Variants in CNTN1 observed in about 807,000 individuals in gnomAD.
CNTN1 encodes the protein contactin 1, also known as contactin-1.
CNTN1 carries 38 observed loss-of-function variants against 126.4 expected under a neutral mutation model. The observed-to-expected ratio is 0.30, with a 90% CI of 0.23 to 0.39. CNTN1 has a LOEUF of 0.39. Ranked by LOEUF, CNTN1 falls within the 10% of genes least tolerant of loss-of-function variation. The pLI, the probability that CNTN1 is intolerant of heterozygous loss-of-function variation, is 1.00. For synonymous variants in CNTN1, 413 were observed against 422.6 expected (o/e 0.98, Z 0.28); for missense variants, 1,009 against 1,248.4 (o/e 0.81, Z 2.89).
chr12:40,911,103 T>C lies in CNTN1; in HGVS notation c.94+998T>C, dbSNP rs529429139. 3.0e-3 allele frequency among the ~76,000 whole-genome samples: 452 copies of C among 152,248 alleles called. 1 individual carries two copies. The highest frequency in any genetic ancestry group is 5.2e-3 in the African/African-American group (218 of 41,564). ...TTTATTTATTTATTTATTTTTGAGA[T>C]GGAGTCTCGCTCTGTCACCCAGGCT... On this transcript the variant is annotated intron_variant, in intron 3 of 23. Transcript: ENST00000551295.
At chr12:40,744,298 AT>A (rs1938078948) in intron 1 of CNTN1, among the ~76,000 whole-genome samples, 4 of 36,982 alleles carry the variant, frequency 1.1e-4, no homozygotes, top group African/African-American at 1.5e-4. Flanking sequence ...TTTAAATTAA[AT>A]TAAATAAAAA....
intron 15 of CNTN1, chr12:40,978,891 T>C (rs987226699): frequency 6.6e-6 from 1 of 152,188 alleles, no homozygotes; most frequent in Non-Finnish European, 1.5e-5. Context: ...ACTGAATGCA[T>C]GCATTACAGG....
intron 9 of CNTN1, 78 bp from the exon 10 acceptor site, chr12:40,936,703 A>G (rs1421288270): frequency 6.4e-7 from 1 of 1,560,894 alleles, no homozygotes; most frequent in African/African-American, 1.4e-5. Flanking sequence ...GGTTAACTAA[A>G]TGTAATATTT....
chr12:41,024,038 T>TGAAGCTGCCCTGCTTG (rs1329782297), intron 20 of CNTN1, among the ~76,000 whole-genome samples: 1 of 152,160 alleles, frequency 6.6e-6, no homozygotes, highest in Non-Finnish European at 1.5e-5. Context: ...AATGTGCCTC[T>TGAAGCTGCCCTGCTTG]GAAGCTGCCC....
chr12:40,740,428 G>C (rs921343699), intron 1 of CNTN1, among the ~76,000 whole-genome samples: 2 of 151,986 alleles, frequency 1.3e-5, no homozygotes, highest in African/African-American at 4.8e-5. Flanking sequence ...TCTTCTTCAA[G>C]TTTCTCCTAA....
At chr12:40,948,438 A>G (rs967243134) in intron 14 of CNTN1, among the ~76,000 whole-genome samples, 1 of 151,362 alleles carries the variant, frequency 6.6e-6, no homozygotes, top group Non-Finnish European at 1.5e-5. Context: ...CTTACTGTTT[A>G]GACAGAATTG....
chr12:40,726,168 T>C (rs1482312658), intron 1 of CNTN1, among the ~76,000 whole-genome samples: 1 of 152,166 alleles, frequency 6.6e-6, no homozygotes, highest in Non-Finnish European at 1.5e-5. Flanking sequence ...ATAACTATTC[T>C]TTATTATTGC....
At chr12:41,066,158 T>C (rs957602547) in intron 23 of CNTN1, among the ~76,000 whole-genome samples, 5 of 152,234 alleles carry the variant, frequency 3.3e-5, no homozygotes, top group Non-Finnish European at 2.9e-5. Flanking sequence ...ACTCCTGGAC[T>C]GAGTAGTAAA....
At chr12:40,755,214 A>T (rs1423566545) in intron 1 of CNTN1, among the ~76,000 whole-genome samples, 5 of 144,928 alleles carry the variant, frequency 3.4e-5, no homozygotes, top group Non-Finnish European at 7.5e-5. Flanking sequence ...AAAAAAAAAA[A>T]AAAAAAAAAA....
intron 22 of CNTN1, 112 bp downstream of exon 22, chr12:41,028,081 G>A: frequency 1.4e-6 from 1 of 733,776 alleles, no homozygotes; most frequent in Non-Finnish European, 2.4e-6. Flanking sequence ...ACCCAGACCG[G>A]AGTGCAGTGG....
intron 15 of CNTN1, among the ~76,000 whole-genome samples, chr12:40,959,947 C>T (rs13328933): frequency 0.099 from 14,997 of 152,014 alleles, 961 homozygotes; most frequent in African/African-American, 0.18. Context: ...TAACCAACTC[C>T]AACCATCTAA....
intron 1 of CNTN1, among the ~76,000 whole-genome samples, chr12:40,853,601 T>TGATAAACAAGTGATATACAA: frequency 6.6e-6 from 1 of 152,010 alleles, no homozygotes; most frequent in Non-Finnish European, 1.5e-5. Context: ...TAAGACACTG[T>TGATAAACAAGTGATATACAA]GATAAACAAG....
intron 21 of CNTN1, among the ~76,000 whole-genome samples, chr12:41,026,293 A>G (rs775281889): frequency 2.6e-5 from 4 of 152,208 alleles, no homozygotes; most frequent in Non-Finnish European, 4.4e-5. Flanking sequence ...CTATTCTCGC[A>G]TGGTTTACAA....
chr12:41,011,766 T>C (rs1592400451), intron 17 of CNTN1, among the ~76,000 whole-genome samples: 1 of 152,314 alleles, frequency 6.6e-6, no homozygotes, highest in East Asian at 1.9e-4. Flanking sequence ...TGGTTTGAGC[T>C]CTATATCCTG....
intron 17 of CNTN1, among the ~76,000 whole-genome samples, chr12:41,004,450 C>A (rs1261330120): frequency 6.6e-6 from 1 of 152,102 alleles, no homozygotes; most frequent in African/African-American, 2.4e-5. Flanking sequence ...AGGTATCTAT[C>A]AGGTCCATTT....
At chr12:41,041,437 G>A (rs982135060) in intron 23 of CNTN1, among the ~76,000 whole-genome samples, 3 of 152,166 alleles carry the variant, frequency 2.0e-5, no homozygotes, top group Non-Finnish European at 4.4e-5. Flanking sequence ...CATAAAATGA[G>A]TTAGGGAGGA....
chr12:41,008,681 T>A (rs1293159625), intron 17 of CNTN1, among the ~76,000 whole-genome samples: 2 of 152,228 alleles, frequency 1.3e-5, no homozygotes, highest in Non-Finnish European at 2.9e-5. Context: ...GACATGTATT[T>A]ACCATCCTTC....
intron 16 of CNTN1, among the ~76,000 whole-genome samples, chr12:40,990,843 C>T (rs1378036978): frequency 6.6e-6 from 1 of 152,098 alleles, no homozygotes; most frequent in Admixed American, 6.5e-5. Flanking sequence ...AAAATGCTTC[C>T]AACATTTCCA....
At chr12:40,719,079 A>C (rs534131557) in intron 1 of CNTN1, among the ~76,000 whole-genome samples, 1 of 152,290 alleles carries the variant, frequency 6.6e-6, no homozygotes, top group Non-Finnish European at 1.5e-5. Flanking sequence ...AAAACTTTTT[A>C]AACACTGAAC....
Sources: gnomAD v4.1 joint callset for allele counts (sites outside exome capture counted in the v4.1 genomes callset) on GRCh38, gnomAD v4.1.1 for gene constraint, MANE v1.5 for transcripts, NCBI Gene and HGNC (gene_info 2026-07-23, HGNC 2026-07-21) for gene names.